TMEM132D: variants seen among roughly 807,000 people sequenced by gnomAD.
The protein encoded by TMEM132D is mature OL transmembrane protein.
A neutral mutation model predicts 62.3 loss-of-function variants in TMEM132D; 21 were observed. The observed-to-expected ratio is 0.34, with a 90% CI of 0.24 to 0.49. The LOEUF is 0.49. TMEM132D is among the 20% of genes least tolerant of loss of function. The pLI is 0.99. For missense variants in TMEM132D, 1,346 were observed against 1,402.8 expected (o/e 0.96, Z 0.65); for synonymous variants, 621 against 575.6 (o/e 1.08, Z -1.13).
intron 1 of TMEM132D, among the ~76,000 whole-genome samples, chr12:129,895,589 T>C (rs951851241): frequency 6.6e-6 from 1 of 152,256 alleles, no homozygotes; most frequent in African/African-American, 2.4e-5. Context: ...AAGATTCTGC[T>C]ATTTGAGCCA....
At chr12:129,829,720 T>C (rs73160253) in intron 1 of TMEM132D, among the ~76,000 whole-genome samples, 1 of 152,008 alleles carries the variant, frequency 6.6e-6, no homozygotes, top group South Asian at 2.1e-4. Flanking sequence ...GCACAGGAGA[T>C]GGGGGAGCTT....
intron 1 of TMEM132D, among the ~76,000 whole-genome samples, chr12:129,803,149 G>A (rs1465908998): frequency 6.6e-6 from 1 of 151,500 alleles, no homozygotes; most frequent in East Asian, 1.9e-4. Flanking sequence ...AAGTCAACAA[G>A]GATACCCAGG....
intron 2 of TMEM132D, among the ~76,000 whole-genome samples, chr12:129,543,298 GTGGGTGGA>G (rs560524638): frequency 9.3e-6 from 1 of 107,156 alleles, no homozygotes; most frequent in Admixed American, 1.1e-4. Flanking sequence ...GGGTGGGTGG[GTGGGTGGA>G]TGGATAGATG....
chr12:129,175,036 C>T (rs943599014), intron 5 of TMEM132D, among the ~76,000 whole-genome samples: 1 of 152,156 alleles, frequency 6.6e-6, no homozygotes, highest in African/African-American at 2.4e-5. Context: ...CCTGTTCACT[C>T]TTATGATAGT....
chr12:129,728,881 C>A (rs11060522), intron 1 of TMEM132D, among the ~76,000 whole-genome samples: 21,797 of 152,086 alleles, frequency 0.14, 1,723 homozygotes, highest in South Asian at 0.25. Context: ...TTCACAATGT[C>A]CTCATTGCCC....
At chr12:129,764,550 T>C (rs1284203813) in intron 1 of TMEM132D, among the ~76,000 whole-genome samples, 1 of 151,568 alleles carries the variant, frequency 6.6e-6, no homozygotes, top group Non-Finnish European at 1.5e-5. Context: ...AAAAATGCTA[T>C]TACGTGTGTG....
chr12:129,523,129 GACAC>G (rs907112297), intron 3 of TMEM132D, among the ~76,000 whole-genome samples: 5 of 149,704 alleles, frequency 3.3e-5, no homozygotes, highest in African/African-American at 1.2e-4. Flanking sequence ...CACACACACA[GACAC>G]ACACACTTAT....
chr12:129,548,362 C>A (rs1593061549), intron 2 of TMEM132D, among the ~76,000 whole-genome samples: 1 of 152,166 alleles, frequency 6.6e-6, no homozygotes, highest in African/African-American at 2.4e-5. Flanking sequence ...CTTTACCCAT[C>A]CTGTTCGCCT....
chr12:129,723,185 A>G (rs905655591), intron 1 of TMEM132D, among the ~76,000 whole-genome samples: 6 of 152,206 alleles, frequency 3.9e-5, no homozygotes, highest in Non-Finnish European at 5.9e-5. Flanking sequence ...GTCTAGGAGA[A>G]CGTTACAGTT....
chr12:129,566,438 A>AT (rs1555218666), intron 2 of TMEM132D, among the ~76,000 whole-genome samples: 2 of 151,990 alleles, frequency 1.3e-5, no homozygotes, highest in African/African-American at 4.8e-5. Flanking sequence ...TTATAAAAAG[A>AT]GGGGGGTCAG....
At chr12:129,560,687 G>A (rs1166514025) in intron 2 of TMEM132D, among the ~76,000 whole-genome samples, 1 of 152,188 alleles carries the variant, frequency 6.6e-6, no homozygotes, top group Non-Finnish European at 1.5e-5. Flanking sequence ...TTATGCTGTG[G>A]TAACAAATAC....
At chr12:129,251,438 C>T (rs1444466156) in intron 4 of TMEM132D, among the ~76,000 whole-genome samples, 1 of 150,216 alleles carries the variant, frequency 6.7e-6, no homozygotes, top group East Asian at 2.0e-4. Flanking sequence ...AACTCTTCTG[C>T]TTTGAGTTAA....
At chr12:129,309,650 G>T in intron 4 of TMEM132D, among the ~76,000 whole-genome samples, 1 of 152,064 alleles carries the variant, frequency 6.6e-6, no homozygotes, top group East Asian at 1.9e-4. Context: ...CTTTTCCATT[G>T]TTGCTGGTGT....
At chr12:129,570,599 G>A (rs1235519931) in intron 2 of TMEM132D, among the ~76,000 whole-genome samples, 1 of 152,200 alleles carries the variant, frequency 6.6e-6, no homozygotes, top group East Asian at 1.9e-4. Flanking sequence ...AACTGCCACA[G>A]GCATCTGATC....
chr12:129,678,333 T>C (rs956988393), intron 2 of TMEM132D, among the ~76,000 whole-genome samples: 1 of 152,204 alleles, frequency 6.6e-6, no homozygotes, highest in Non-Finnish European at 1.5e-5. Flanking sequence ...GATTGCTTAA[T>C]TTTGGCAATA....
At chr12:129,781,230 A>G (rs1871109618) in intron 1 of TMEM132D, among the ~76,000 whole-genome samples, 1 of 152,132 alleles carries the variant, frequency 6.6e-6, no homozygotes, top group Non-Finnish European at 1.5e-5. Context: ...ATAAATGTTT[A>G]GGTGGTTCAT....
chr12:129,680,671 A>G (rs1273188492), intron 2 of TMEM132D, among the ~76,000 whole-genome samples: 2 of 152,204 alleles, frequency 1.3e-5, no homozygotes, highest in Non-Finnish European at 2.9e-5. Flanking sequence ...CATCCCAGAT[A>G]ACTGACAAGA....
At chr12:129,332,293 G>C (rs908492258) in intron 4 of TMEM132D, among the ~76,000 whole-genome samples, 1 of 151,648 alleles carries the variant, frequency 6.6e-6, no homozygotes, top group Admixed American at 6.6e-5. Context: ...ACTGGATTAA[G>C]AAACTAAAAA....
chr12:129,404,558 C>T (rs1195232498), intron 3 of TMEM132D, among the ~76,000 whole-genome samples: 1 of 152,192 alleles, frequency 6.6e-6, no homozygotes, highest in East Asian at 1.9e-4. Context: ...GCAGGCTGTA[C>T]AAACAGCATA....
Sources: allele counts gnomAD v4.1 joint callset (sites outside exome capture counted in the v4.1 genomes callset), GRCh38; gene constraint gnomAD v4.1.1; transcripts MANE v1.5; gene names NCBI Gene and HGNC (gene_info 2026-07-23, HGNC 2026-07-21).